Variants in BOD1L1 observed in about 807,000 individuals in gnomAD.
BOD1L1 encodes the protein biorientation of chromosomes in cell division 1 like 1.
A neutral mutation model predicts 240.7 loss-of-function variants in BOD1L1; 86 were observed. The ratio of observed to expected loss-of-function variants is 0.36; its 90% CI spans 0.30 to 0.43. BOD1L1 has a LOEUF of 0.43. BOD1L1 is among the 20% of genes least tolerant of loss of function. BOD1L1 has a pLI of 1.00. For missense variants in BOD1L1, 3,554 were observed against 3,643.5 expected (o/e 0.98, Z 0.63); for synonymous variants, 1,268 against 1,272.3 (o/e 1.00, Z 0.07).
rs1227379104 is a variant in BOD1L1 at position 13,590,386 on chromosome 4, C to G, written c.8209G>C (p.Glu2737Gln). The G allele has an allele frequency of 6.8e-7, 1 of 1,479,402 alleles. No individual in the cohort carries two copies. The highest frequency in any genetic ancestry group is 1.4e-5 in the African/African-American group (1 of 71,008). The allele number at this position is 1,479,402 out of a possible 1,614,324, so 91.6% of individuals were successfully genotyped here. Residue 2737 changes from glutamate (E) to glutamine (Q), a missense_variant and splice_region_variant, in exon 14 of 26, where the codon GAG becomes CAG. Physicochemically the swap from Glu to Gln is conservative, Grantham distance 29. This residue lies in a region of BOD1L1 where 3,393 missense variants were observed against 3,427.1 expected (regional missense o/e 0.99). Transcript: ENST00000040738. ...ATAACTATGAAATTCATTAACTTAC[C>G]TCCTTTGTTATAAGATTCGCTATGA... Reference protein sequence around the residue: ...EIHSESYNKGEISSGRKDNAE... With the variant: ...EIHSESYNKGQISSGRKDNAE...
rs1180315745 is a variant in BOD1L1, at chr4:13,590,408, A to G, written c.8187T>C (p.His2729=). 1 of 1,515,208 alleles carries G rather than the reference A, an allele frequency of 6.6e-7. No homozygotes were observed. The highest frequency in any genetic ancestry group is 1.8e-5 in the Admixed American group (1 of 55,144). 93.9% of individuals were successfully genotyped at this position (1,515,208 alleles called of 1,614,324 possible). A position where few individuals can be genotyped will look rare whatever the true frequency, so the allele number is the denominator to read the frequency against. Residue 2729 remains histidine, a synonymous_variant, in exon 14 of 26, where the codon CAT becomes CAC. Coordinates refer to ENST00000040738, the MANE Select transcript of BOD1L1 (RefSeq NM_148894.3). ...NSGFRTNEEI[H]SESYNKGEIS... is the part of the protein sequence containing the mutation. ...TACCTCCTTTGTTATAAGATTCGCT[A>G]TGAATTTCTTCATTTGTTCTGAAGC... is the stretch of plus-strand genomic sequence containing the variant.
Position 13,601,422 on chromosome 4 carries a change from T to C in BOD1L1, c.5478A>G (p.Gly1826=). ...FAISSESEEN[G]ESAMDSTVAK... is the part of the protein sequence containing the mutation. ...CCACTGTGCTGTCCATTGCACTCTC[T>C]CCATTTTCTTCCGATTCAGAACTTA... Residue 1826 remains glycine (G), a synonymous_variant, in exon 10 of 26, where the codon GGA becomes GGG. Transcript: ENST00000040738. 6.2e-7 allele frequency: 1 copy of C among 1,614,020 alleles called. No homozygotes were observed. Among genetic ancestry groups the C allele is most frequent in the Non-Finnish European group, 8.5e-7 (1 of 1,179,908 alleles).
chr4:13,620,269 T>A (rs1053068176), intron 1 of BOD1L1, among the ~76,000 whole-genome samples: 1 of 152,138 alleles, frequency 6.6e-6, no homozygotes, highest in Admixed American at 6.5e-5. Flanking sequence ...AGAAGAAAGA[T>A]ACACCTCTTA....
At chr4:13,590,219 C>T (rs1280058485) in intron 14 of BOD1L1, among the ~76,000 whole-genome samples, 167 bp downstream of exon 14, 1 of 152,188 alleles carries the variant, frequency 6.6e-6, no homozygotes, top group African/African-American at 2.4e-5. Context: ...AAGACTCGTT[C>T]TCCTCAACTA....
chr4:13,626,802 T>G (rs1717426895), intron 1 of BOD1L1, among the ~76,000 whole-genome samples: 2 of 152,190 alleles, frequency 1.3e-5, no homozygotes, highest in Admixed American at 1.3e-4. Context: ...AATGGTGACA[T>G]GGCCTAAGTT....
intron 11 of BOD1L1, among the ~76,000 whole-genome samples, chr4:13,596,560 T>G (rs949610010): frequency 1.4e-5 from 2 of 144,442 alleles, no homozygotes; most frequent in African/African-American, 5.2e-5. Context: ...GGAGACTAAA[T>G]TGTGTAAAGC....
At chr4:13,581,096 T>C (rs1190177755) in intron 20 of BOD1L1, 36 bp downstream of exon 20, 1 of 1,565,230 alleles carries the variant, frequency 6.4e-7, no homozygotes, top group Non-Finnish European at 8.7e-7. Flanking sequence ...TTCGAAAATT[T>C]CTTGTGTGTG....
In BOD1L1 at chr4:13,614,176, G is replaced by A; in HGVS notation, c.1174+20C>T. 3.4e-6 allele frequency: 5 copies of A among 1,467,218 alleles called. No individual in the cohort carries two copies. The highest frequency in any genetic ancestry group is 4.5e-6 in the Non-Finnish European group (5 of 1,112,500). The allele number at this position is 1,467,218 out of a possible 1,614,324, so 90.9% of individuals were successfully genotyped here. A position where few individuals can be genotyped will look rare whatever the true frequency, so the allele number is the denominator to read the frequency against. Reference sequence around the variant, plus strand: ...ACTCTGTTCTTTAAACTTTGTAGATGTTTGCAAGTTTTTATATACCTTCTT... The same window carrying A: ...ACTCTGTTCTTTAAACTTTGTAGATATTTGCAAGTTTTTATATACCTTCTT... On this transcript the variant is annotated intron_variant, in intron 4 of 25. Transcript: ENST00000040738.
At chr4:13,620,282 T>C (rs1332182759) in intron 1 of BOD1L1, among the ~76,000 whole-genome samples, 2 of 152,182 alleles carry the variant, frequency 1.3e-5, no homozygotes, top group Admixed American at 6.5e-5. Context: ...ACCTCTTATT[T>C]ATAGACAAAG....
intron 6 of BOD1L1, among the ~76,000 whole-genome samples, chr4:13,610,579 G>A (rs1313865892): frequency 6.6e-6 from 1 of 152,102 alleles, no homozygotes; most frequent in African/African-American, 2.4e-5. Context: ...TACTCTTCAG[G>A]CTATGTGCAT....
intron 16 of BOD1L1, among the ~76,000 whole-genome samples, chr4:13,586,907 T>C (rs576103396): frequency 6.6e-6 from 1 of 152,364 alleles, no homozygotes; most frequent in South Asian, 2.1e-4. Flanking sequence ...CAACACCACC[T>C]AACTTACAGG....
At chr4:13,597,022 C>T (rs1714672928) in intron 11 of BOD1L1, 82 bp downstream of exon 11, 2 of 1,116,148 alleles carry the variant, frequency 1.8e-6, no homozygotes, top group African/African-American at 1.6e-5. Flanking sequence ...ACCTATATAC[C>T]ACATAAGTAT....
chr4:13,608,911 T>C (rs1485494793), intron 7 of BOD1L1, among the ~76,000 whole-genome samples: 1 of 152,192 alleles, frequency 6.6e-6, no homozygotes, highest in Non-Finnish European at 1.5e-5. Context: ...CCAGAGGGAA[T>C]ACAATTTTGT....
At chr4:13,575,941 A>T (rs10005265) in intron 25 of BOD1L1, among the ~76,000 whole-genome samples, 4,772 of 136,248 alleles carry the variant, frequency 0.035, 279 homozygotes, top group African/African-American at 0.12. Flanking sequence ...TCTTGCTCTA[A>T]CACCAGGCTG....
In BOD1L1 at chr4:13,601,748, C is replaced by G. The variant is rs1226305303; in HGVS notation, c.5152G>C (p.Gly1718Arg). 2 of 1,613,878 alleles carry G rather than the reference C, an allele frequency of 1.2e-6. No individual in the cohort carries two copies. Among genetic ancestry groups the G allele is most frequent in the East Asian group, 4.5e-5 (2 of 44,876 alleles). ...GTGCCCTCTGTTTCTTTTTTGGGAC[C>G]CATTCTCATCATATTTCCCTGGGAG... ...DGSQGNMMRM[G>R]PKKETEGTVT... The change falls in exon 10 of 26, where the codon GGT (glycine) becomes CGT (arginine). Residue 1718 changes from glycine to arginine, a missense_variant. This residue lies in a region of BOD1L1 where 3,393 missense variants were observed against 3,427.1 expected (regional missense o/e 0.99). Transcript: ENST00000040738.
intron 13 of BOD1L1, among the ~76,000 whole-genome samples, 169 bp from the exon 14 acceptor site, chr4:13,590,615 ATCT>A (rs1329511108): frequency 1.3e-5 from 2 of 152,234 alleles, no homozygotes; most frequent in African/African-American, 4.8e-5. Flanking sequence ...AGCATGCAGC[ATCT>A]TCTTTTTGAA....
At chr4:13,593,426 C>A (rs1714376997) in intron 12 of BOD1L1, 1 of 151,800 alleles carries the variant, frequency 6.6e-6, no homozygotes, top group Non-Finnish European at 1.5e-5. Flanking sequence ...ATGATGGGTG[C>A]CTGCAATACA....
At chr4:13,598,607 G>C (rs780859143) in intron 10 of BOD1L1, among the ~76,000 whole-genome samples, 2 of 152,016 alleles carry the variant, frequency 1.3e-5, no homozygotes, top group Non-Finnish European at 2.9e-5. Context: ...TCTTCTTTTT[G>C]ATTGACAAAA....
At position 13,601,299 on chromosome 4, in the gene BOD1L1, C is replaced by T. The variant is rs769280337; in HGVS notation, c.5601G>A (p.Gly1867=). Reference sequence around the variant, plus strand: ...TTCCAGTACTAGTCACAACATCCTCCCCTTCCTCGTCTTCCTCTTTTGCGC... The same window carrying T: ...TTCCAGTACTAGTCACAACATCCTCTCCTTCCTCGTCTTCCTCTTTTGCGC... The part of the protein sequence containing the change: ...STGAKEEDEE[G]EDVVTSTGRG... The change falls in exon 10 of 26, where the codon GGG becomes GGA. Residue 1867 remains glycine (G), a synonymous_variant. Transcript: ENST00000040738. 1.8e-5 allele frequency: 29 copies of T among 1,613,988 alleles called. No homozygotes were observed. The highest frequency in any genetic ancestry group is 2.4e-5 in the Non-Finnish European group (28 of 1,179,894).
Sources: gnomAD v4.1 joint callset for allele counts (sites outside exome capture counted in the v4.1 genomes callset) on GRCh38, gnomAD v4.1.1 for gene constraint, gnomAD v4.1.1 regional missense constraint, MANE v1.5 for transcripts, NCBI Gene and HGNC (gene_info 2026-07-23, HGNC 2026-07-21) for gene names.